Variants in GATC observed in about 807,000 individuals in gnomAD.
GATC encodes glutamyl-tRNA(Gln) amidotransferase subunit C, mitochondrial.
In GATC, 11 loss-of-function variants were observed where a neutral mutation model predicts 14.4. That is an observed-to-expected ratio of 0.77 (90% CI 0.48 to 1.27). The LOEUF is 1.27. GATC is among the 50% of genes most tolerant of loss of function. GATC has a pLI of 0.00. For missense variants in GATC, 204 were observed against 183.0 expected (o/e 1.11, Z -0.66); for synonymous variants, 76 against 79.3 (o/e 0.96, Z 0.22).
rs1231113586 is a variant in GATC at position 120,461,018 on chromosome 12, T to C, written c.*1059T>C. The C allele has an allele frequency of 6.9e-6, 1 of 144,968 alleles. No individual in the cohort carries two copies. The allele number at this position is 144,968 out of a possible 1,614,324, so 9.0% of individuals were successfully genotyped here. ...AGTCTCAAAAAAAAAAAAAAAGTGA[T>C]AGAATCAGAGAGTTTTTCCTCTAAC... is the stretch of plus-strand genomic sequence containing the variant. On this transcript the variant is annotated 3_prime_UTR_variant, in exon 4 of 4. Coordinates refer to ENST00000551765, the MANE Select transcript of GATC (RefSeq NM_176818.3).
At position 120,451,708 on chromosome 12, in the gene GATC, C is replaced by T. The variant is rs372740131; in HGVS notation, c.254+4879C>T. On this transcript the variant is annotated intron_variant, in intron 2 of 3. Transcript: ENST00000551765. The stretch of plus-strand genomic sequence containing the variant: ...AGTGAGCCGAGATCACGTCACTGCA[C>T]TCCAGCCTGGGCAACAGAGCAAGAC... Among the ~76,000 whole-genome samples the T allele has an allele frequency of 4.0e-4, 61 of 151,334 alleles. No individual in the cohort carries two copies. The South Asian group carries it at 5.4e-3, about 14-fold the overall frequency.
chr12:120,451,140 T>C (rs1406622610), intron 2 of GATC, among the ~76,000 whole-genome samples: 2 of 15,134 alleles, frequency 1.3e-4, no homozygotes, highest in African/African-American at 1.2e-3. Flanking sequence ...CAAGACTCCA[T>C]CTCAAAAAAA....
At chr12:120,451,741 C>CA (rs565772661) in intron 2 of GATC, among the ~76,000 whole-genome samples, 2 of 150,914 alleles carry the variant, frequency 1.3e-5, no homozygotes, top group African/African-American at 2.4e-5. Context: ...GACTCCATCT[C>CA]AAAAAAACAA....
intron 2 of GATC, among the ~76,000 whole-genome samples, chr12:120,451,480 G>T (rs547020709): frequency 6.6e-6 from 1 of 151,210 alleles, no homozygotes; most frequent in African/African-American, 2.4e-5. Flanking sequence ...GGTGTTTCAC[G>T]CCTGTAATCC....
At chr12:120,454,488 T>C (rs1477231593) in intron 2 of GATC, among the ~76,000 whole-genome samples, 3 of 151,950 alleles carry the variant, frequency 2.0e-5, no homozygotes, top group Non-Finnish European at 4.4e-5. Flanking sequence ...TAGCATGATA[T>C]CCGCTCACTG....
intron 2 of GATC, among the ~76,000 whole-genome samples, chr12:120,450,231 C>T (rs2137039168): frequency 6.6e-6 from 1 of 152,262 alleles, no homozygotes; most frequent in East Asian, 1.9e-4. Context: ...AGCATCTCAA[C>T]CTCGTATTCA....
chr12:120,456,111 G>A (rs1056900537), intron 2 of GATC, among the ~76,000 whole-genome samples: 7 of 152,206 alleles, frequency 4.6e-5, no homozygotes, highest in Non-Finnish European at 7.3e-5. Context: ...CAGGAGGAGC[G>A]TGGCTACTAC....
At position 120,460,331 on chromosome 12, in the gene GATC, T is replaced by C. The variant is rs1272694572; in HGVS notation, c.*372T>C. On this transcript the variant is annotated 3_prime_UTR_variant, in exon 4 of 4. Transcript: ENST00000551765. ...GGTAGACGGAGCATCTTGATCACTATGTGACAACCTTGGCTGTCATTTTTA... is the reference window on the plus strand; with the variant it reads ...GGTAGACGGAGCATCTTGATCACTACGTGACAACCTTGGCTGTCATTTTTA... 1.8e-5 allele frequency: 3 copies of C among 165,626 alleles called. No homozygotes were observed. Among genetic ancestry groups the C allele is most frequent in the Non-Finnish European group, 3.9e-5 (3 of 76,858 alleles). The allele number at this position is 165,626 out of a possible 1,614,324, so 10.3% of individuals were successfully genotyped here.
intron 2 of GATC, among the ~76,000 whole-genome samples, chr12:120,451,760 AC>A (rs1878052344): frequency 6.6e-6 from 1 of 151,684 alleles, no homozygotes; most frequent in African/African-American, 2.4e-5. Flanking sequence ...AAACAAACAA[AC>A]AAAAAACGCC....
intron 2 of GATC, among the ~76,000 whole-genome samples, chr12:120,449,941 T>C (rs1181466793): frequency 1.3e-5 from 2 of 151,908 alleles, no homozygotes. Context: ...TTTGTATTTT[T>C]AGTAGAGACA....
intron 2 of GATC, among the ~76,000 whole-genome samples, chr12:120,454,685 G>A (rs1878133328): frequency 6.6e-6 from 1 of 151,934 alleles, no homozygotes. Context: ...AAAGTGCTGG[G>A]ATCACAGGCA....
chr12:120,455,248 A>G (rs1229717596), intron 2 of GATC, among the ~76,000 whole-genome samples: 1 of 151,180 alleles, frequency 6.6e-6, no homozygotes. Context: ...AGCTCACTGC[A>G]ACCTCCGCCT....
intron 2 of GATC, among the ~76,000 whole-genome samples, chr12:120,454,175 TTGAA>T (rs1270662322): frequency 6.6e-6 from 1 of 152,132 alleles, no homozygotes; most frequent in Non-Finnish European, 1.5e-5. Context: ...TGCACAGACT[TTGAA>T]TGAGTGGTAG....
chr12:120,456,719 A>C (rs1050064996), intron 2 of GATC, among the ~76,000 whole-genome samples: 2 of 152,334 alleles, frequency 1.3e-5, no homozygotes, highest in Non-Finnish European at 2.9e-5. Flanking sequence ...AGGCTGGACT[A>C]GGTACCCTTT....
intron 2 of GATC, among the ~76,000 whole-genome samples, chr12:120,449,301 G>A (rs1269853486): frequency 6.6e-6 from 1 of 152,018 alleles, no homozygotes; most frequent in East Asian, 1.9e-4. Context: ...ATCCAAAAGG[G>A]CTGATTTATA....
At chr12:120,452,723 C>G (rs1878085407) in intron 2 of GATC, among the ~76,000 whole-genome samples, 1 of 151,222 alleles carries the variant, frequency 6.6e-6, no homozygotes, top group Non-Finnish European at 1.5e-5. Flanking sequence ...CTTTTTTTTT[C>G]TCATTCTGTT....
chr12:120,460,156 C>G lies in GATC; in HGVS notation c.*197C>G, dbSNP rs1384960752. 1.8e-5 allele frequency: 9 copies of G among 506,620 alleles called. No homozygotes were observed. The highest frequency in any genetic ancestry group is 7.2e-5 in the Admixed American group (2 of 27,768). The allele number at this position is 506,620 out of a possible 1,614,324, so 31.4% of individuals were successfully genotyped here. On this transcript the variant is annotated 3_prime_UTR_variant, in exon 4 of 4. Coordinates refer to ENST00000551765, the MANE Select transcript of GATC (RefSeq NM_176818.3). The stretch of plus-strand genomic sequence containing the variant: ...CCAACAAGGCAGTGAGTTCCTGATG[C>G]TAACTGAGGTGAAAGAAAAGCAAAA...
Position 120,458,154 on chromosome 12 carries a change from A to G in GATC, c.358+975A>G, listed in dbSNP as rs138895439. ...GCTCGGTCACCCAGGCTGGAGTGCA[A>G]TCTTGACTCACTGCAACCTCTGCCT... On this transcript the variant is annotated intron_variant, in intron 3 of 3. Transcript: ENST00000551765. 3.8e-3 allele frequency among the ~76,000 whole-genome samples: 576 copies of G among 150,206 alleles called. 2 individuals carry two copies. The highest frequency in any genetic ancestry group is 5.8e-3 in the Non-Finnish European group (390 of 67,582).
chr12:120,460,392 T>C lies in GATC; in HGVS notation c.*433T>C, dbSNP rs1878301940. The C allele has an allele frequency of 6.5e-6, 1 of 153,724 alleles. No individual in the cohort carries two copies. Among genetic ancestry groups the C allele is most frequent in the Non-Finnish European group, 1.4e-5 (1 of 69,124 alleles). The allele number at this position is 153,724 out of a possible 1,614,324, so 9.5% of individuals were successfully genotyped here. ...GCATTGATTTGAGCAGCCCTATCTT[T>C]ACCGAACATACCTGAATTTGTTCCT... is the stretch of plus-strand genomic sequence containing the variant. On this transcript the variant is annotated 3_prime_UTR_variant, in exon 4 of 4. Coordinates refer to ENST00000551765, the MANE Select transcript of GATC (RefSeq NM_176818.3).
Sources: gnomAD v4.1 joint callset for allele counts (sites outside exome capture counted in the v4.1 genomes callset) on GRCh38, gnomAD v4.1.1 for gene constraint, MANE v1.5 for transcripts, NCBI Gene and HGNC (gene_info 2026-07-23, HGNC 2026-07-21) for gene names.